AHNAK: variants seen among roughly 807,000 people sequenced by gnomAD.
AHNAK encodes neuroblast differentiation-associated protein AHNAK.
A neutral mutation model predicts 37.8 loss-of-function variants in AHNAK; 23 were observed. The ratio of observed to expected loss-of-function variants is 0.61; its 90% confidence interval spans 0.44 to 0.86. The LOEUF (loss-of-function observed/expected upper bound fraction) is 0.86. Ranked by LOEUF, AHNAK falls within the 40% of genes least tolerant of loss-of-function variation. The pLI is 0.00. For synonymous variants in AHNAK, 2,481 were observed against 2,636.3 expected (o/e 0.94, Z 1.80); for missense variants, 7,411 against 7,319.4 (o/e 1.01, Z -0.46).
At chr11:62,435,895 G>A (rs534844689) in intron 5 of AHNAK, among the ~76,000 whole-genome samples, 33 of 152,132 alleles carry the variant, frequency 2.2e-4, no homozygotes, top group Non-Finnish European at 3.7e-4. Flanking sequence ...TGAACCTGTC[G>A]CTGAGCTGAG....
intron 5 of AHNAK, among the ~76,000 whole-genome samples, chr11:62,458,601 G>A (rs936634420): frequency 3.9e-5 from 6 of 152,194 alleles, no homozygotes; most frequent in African/African-American, 1.4e-4. Context: ...AAATTGGCCA[G>A]TACTCATTAT....
rs754292406 is a variant in AHNAK, at chr11:62,517,893, G to A, written c.16524C>T (p.Gly5508=). The A allele has an allele frequency of 2.9e-5, 47 of 1,613,974 alleles. No homozygotes were observed. The highest frequency in any genetic ancestry group is 6.6e-5 in the South Asian group (6 of 91,090). The change falls in exon 5 of 5, where the codon GGC becomes GGT. Residue 5508 remains glycine (G), a synonymous_variant. Coordinates refer to ENST00000378024, the MANE Select transcript of AHNAK (RefSeq NM_001620.3). ...GCCCAGTTGGGAGTTTCACATTCAC[G>A]CCTGGCAGGTTCACATCACATCCAG... The part of the protein sequence containing the change: ...KSSGCDVNLP[G]VNVKLPTGQI...
rs1279170542 is a variant in AHNAK, at chr11:62,522,280, G to T, written c.12137C>A (p.Ala4046Asp). ...DIKGPKVDID[A>D]PDVDVHGPDW... is the part of the protein sequence containing the mutation. ...TGGGCCATGAACATCCACATCTGGG[G>T]CATCAATGTCCACTTTGGGGCCCTT... The change falls in exon 5 of 5, where the codon GCC becomes GAC. Residue 4046 changes from alanine to aspartate, a missense_variant. By Grantham distance (126) the Ala-to-Asp change is moderately radical (BLOSUM62 -2). Coordinates refer to ENST00000378024, the MANE Select transcript of AHNAK (RefSeq NM_001620.3). The T allele has an allele frequency of 6.2e-7, 1 of 1,603,246 alleles. No individual in the cohort carries two copies.
intron 5 of AHNAK, among the ~76,000 whole-genome samples, chr11:62,445,644 G>A (rs576323419): frequency 9.2e-5 from 14 of 152,130 alleles, no homozygotes; most frequent in Non-Finnish European, 1.9e-4. Context: ...ACTTGAGCAC[G>A]GAAGGTCAAG....
Position 62,524,706 on chromosome 11 carries a change from C to T in AHNAK, c.9711G>A (p.Val3237=). 1.2e-6 allele frequency: 2 copies of T among 1,614,194 alleles called. No homozygotes were observed. The highest frequency in any genetic ancestry group is 1.7e-6 in the Non-Finnish European group (2 of 1,180,034). ...CTTCTACATTTGCAAGTGAAACATC[C>T]ACCTCTCCTTTCATTTTAGGGCCTT... ...NLKGPKMKGE[V]DVSLANVEGD... is the part of the protein sequence containing the mutation. The change falls in exon 5 of 5, where the codon GTG becomes GTA. Residue 3237 remains valine, a synonymous_variant. Coordinates refer to ENST00000378024, the MANE Select transcript of AHNAK (RefSeq NM_001620.3).
At position 62,522,375 on chromosome 11, in the gene AHNAK, C is replaced by T. The variant is rs1222849966; in HGVS notation, c.12042G>A (p.Lys4014=). The T allele has an allele frequency of 3.1e-6, 5 of 1,613,778 alleles. No homozygotes were observed. In the Admixed American group the frequency reaches 6.7e-5, roughly 22 times the overall value. Reference sequence around the variant, plus strand: ...GAGAAACATCCACATCTCCTTTCACCTTAGGGCCTTTCAGATGCAAATCAA... The same window carrying T: ...GAGAAACATCCACATCTCCTTTCACTTTAGGGCCTTTCAGATGCAAATCAA... ...PDFDLHLKGP[K]VKGDVDVSLP... is the part of the protein sequence containing the mutation. Residue 4014 remains lysine, a synonymous_variant, in exon 5 of 5, where the codon AAG becomes AAA. Coordinates refer to ENST00000378024, the MANE Select transcript of AHNAK (RefSeq NM_001620.3).
chr11:62,481,616 C>T (rs1015887534), intron 5 of AHNAK, among the ~76,000 whole-genome samples: 5 of 88,220 alleles, frequency 5.7e-5, no homozygotes, highest in African/African-American at 8.7e-5. Context: ...CTCGCTCTTT[C>T]TCCTAGGCTG....
intron 4 of AHNAK, among the ~76,000 whole-genome samples, chr11:62,500,690 A>G (rs1481383542): frequency 6.6e-6 from 1 of 152,064 alleles, no homozygotes; most frequent in Non-Finnish European, 1.5e-5. Flanking sequence ...TCCCACTTTG[A>G]GCTAAGTGAA....
At chr11:62,536,983 C>A (rs1940969937) in intron 1 of AHNAK, among the ~76,000 whole-genome samples, 1 of 149,716 alleles carries the variant, frequency 6.7e-6, no homozygotes, top group Admixed American at 6.7e-5. Flanking sequence ...GAGACAGAGT[C>A]TCGTTCTGTT....
intron 4 of AHNAK, among the ~76,000 whole-genome samples, chr11:62,498,594 A>G (rs895159937): frequency 6.9e-6 from 1 of 145,688 alleles, no homozygotes; most frequent in African/African-American, 2.5e-5. Flanking sequence ...ACCCAGACTC[A>G]CTCTAAAAAA....
chr11:62,525,624 G>T lies in AHNAK; in HGVS notation c.8793C>A (p.Asp2931Glu), dbSNP rs377182257. Reference protein sequence around the residue: ...ADVDVSGPKVDVEGPDVNIEG... With the variant: ...ADVDVSGPKVEVEGPDVNIEG... ...CAATGTTAACATCAGGGCCTTCAAC[G>T]TCCACTTTGGGGCCTGAGACATCAA... Residue 2931 changes from aspartate (D) to glutamate (E), a missense_variant, in exon 5 of 5, where the codon GAC becomes GAA. By Grantham distance (45) the Asp-to-Glu change is conservative. Coordinates refer to ENST00000378024, the MANE Select transcript of AHNAK (RefSeq NM_001620.3). The T allele has an allele frequency of 1.2e-6, 2 of 1,612,772 alleles. No individual in the cohort carries two copies. Among genetic ancestry groups the T allele is most frequent in the East Asian group, 4.5e-5 (2 of 44,792 alleles).
At chr11:62,503,831 G>A (rs994158942) in intron 4 of AHNAK, among the ~76,000 whole-genome samples, 11 of 152,028 alleles carry the variant, frequency 7.2e-5, no homozygotes, top group African/African-American at 2.4e-4. Flanking sequence ...TCATAAGAGG[G>A]CAGCAGCTCA....
rs540279182 is a variant in AHNAK at position 62,464,872 on chromosome 11, G to A, written c.442+26860C>T. 3.9e-5 allele frequency among the ~76,000 whole-genome samples: 6 copies of A among 152,106 alleles called. No individual in the cohort carries two copies. The East Asian group carries it at 7.8e-4, about 20-fold the overall frequency. ...GTACACGCTTGGGTGATCTGGCAGC[G>A]TCAGGTTGCTGTAAAAGTTGCAGAA... On this transcript the variant is annotated intron_variant, in intron 5 of 5. Coordinates refer to the AHNAK transcript ENST00000257247.
chr11:62,496,693 G>A (rs140556008), intron 4 of AHNAK, among the ~76,000 whole-genome samples: 5,216 of 152,224 alleles, frequency 0.034, 313 homozygotes, highest in African/African-American at 0.12. Context: ...TACTCGGTAG[G>A]CTGAGGCAGG....
At chr11:62,449,965 C>G (rs1435394861) in intron 5 of AHNAK, among the ~76,000 whole-genome samples, 1 of 152,092 alleles carries the variant, frequency 6.6e-6, no homozygotes, top group Non-Finnish European at 1.5e-5. Context: ...CCAGTGGAGG[C>G]AGAGCGCAGT....
chr11:62,496,331 G>A (rs1939608504), intron 4 of AHNAK, among the ~76,000 whole-genome samples: 1 of 152,118 alleles, frequency 6.6e-6, no homozygotes, highest in Non-Finnish European at 1.5e-5. Context: ...GCCATCCTAG[G>A]TGCTGTTGCA....
intron 5 of AHNAK, among the ~76,000 whole-genome samples, chr11:62,451,790 G>A (rs531320580): frequency 4.7e-5 from 7 of 148,150 alleles, no homozygotes; most frequent in African/African-American, 9.9e-5. Flanking sequence ...TTCAGAGCTC[G>A]TAACAACTAG....
chr11:62,480,530 G>A (rs539505538), intron 5 of AHNAK, among the ~76,000 whole-genome samples: 7 of 152,034 alleles, frequency 4.6e-5, no homozygotes, highest in East Asian at 3.9e-4. Flanking sequence ...GCACGGTGGC[G>A]GGTGCCTGTA....
intron 1 of AHNAK, among the ~76,000 whole-genome samples, chr11:62,538,174 C>T (rs1398209823): frequency 1.3e-5 from 2 of 152,088 alleles, no homozygotes; most frequent in Admixed American, 1.3e-4. Flanking sequence ...CTCTGGGAGC[C>T]CTGCCACAGG....
Sources: gnomAD v4.1 joint callset for allele counts (sites outside exome capture counted in the v4.1 genomes callset) on GRCh38, gnomAD v4.1.1 for gene constraint, MANE v1.5 for transcripts, NCBI Gene and HGNC (gene_info 2026-07-23, HGNC 2026-07-21) for gene names.